Variants in NXT2 observed in about 807,000 individuals in gnomAD.
The protein encoded by NXT2 is nuclear transport factor 2 like export factor 2.
A neutral mutation model predicts 9.6 loss-of-function variants in NXT2; 1 was observed. The ratio of observed to expected loss-of-function variants is 0.10; its 90% CI spans 0.04 to 0.49. The LOEUF is 0.49. Among genes scored for constraint, NXT2 ranks in the 20% least tolerant of loss-of-function variants. NXT2 has a pLI of 0.95. For synonymous variants in NXT2, 22 were observed against 35.4 expected (o/e 0.62, Z 1.34); for missense variants, 48 against 100.3 (o/e 0.48, Z 2.23).
intron 1 of NXT2, chrX:109,537,251 C>T (rs1933299572): frequency 1.0e-6 from 1 of 1,004,494 alleles, no homozygotes; most frequent in Non-Finnish European, 1.3e-6. Flanking sequence ...TGGGAAATAG[C>T]GAGAGGCGGG....
upstream of NXT2, chrX:109,536,617 T>C (rs1933279397): frequency 4.8e-5 from 10 of 209,599 alleles, no homozygotes; most frequent in Admixed American, 7.1e-4. Context: ...CTCCGCCTCC[T>C]GGGGCAAAAA....
rs933748309 is a variant in NXT2 at position 109,537,445 on chromosome X, C to T, written c.15+424C>T. The T allele has an allele frequency of 1.2e-5, 8 of 669,632 alleles. No individual in the cohort carries two copies. The South Asian group carries it at 5.4e-4, about 45-fold the overall frequency. The allele number at this position is 669,632 out of a possible 1,213,427, so 55.2% of individuals were successfully genotyped here. A position where few individuals can be genotyped will look rare whatever the true frequency, so the allele number is the denominator to read the frequency against. On this transcript the variant is annotated intron_variant, in intron 1 of 3. Transcript: ENST00000372106. ...CTTAATTCTCCGGCACGAACGCCAA[C>T]AGCGTTGCTTTCTTCGGTGTCACAG...
At chrX:109,540,649 A>G (rs1480033186) in intron 2 of NXT2, among the ~76,000 whole-genome samples, 1 of 112,319 alleles carries the variant, frequency 8.9e-6, no homozygotes, top group Non-Finnish European at 1.9e-5. Context: ...AAGTTACATT[A>G]TAGAATTAAG....
At position 109,537,753 on chromosome X, in the gene NXT2, A is replaced by G. The variant is rs1404981566; in HGVS notation, c.16-292A>G. 7.1e-5 allele frequency among the ~76,000 whole-genome samples: 8 copies of G among 112,171 alleles called. No homozygotes were observed. The Admixed American group carries it at 7.6e-4, about 11-fold the overall frequency. On this transcript the variant is annotated intron_variant, in intron 1 of 3. Transcript: ENST00000372106. ...AATGTTTGTAAAATATTGAAAGTCT[A>G]AAGTGCTTAGTTGCCAAGAAAAGAT...
chrX:109,538,823 C>A (rs1017901570), intron 2 of NXT2, among the ~76,000 whole-genome samples: 3 of 110,928 alleles, frequency 2.7e-5, no homozygotes, highest in African/African-American at 9.9e-5. Context: ...AAGTTAATAC[C>A]CTATCTCTAA....
rs768732444 is a variant in NXT2, at chrX:109,536,941, G to A, written c.-66G>A. ...TAAGTATTGATCATTCCGCAGCCCT[G>A]CGGACCGGACACGTGAGGAGGTAGT... On this transcript the variant is annotated 5_prime_UTR_variant, in exon 1 of 4. Transcript: ENST00000372106. The A allele has an allele frequency of 8.3e-7, 1 of 1,211,461 alleles. No individual in the cohort carries two copies. The highest frequency in any genetic ancestry group is 1.8e-5 in the South Asian group (1 of 56,896).
Position 109,542,690 on chromosome X carries a change from G to T in NXT2, c.*2G>T. On this transcript the variant is annotated 3_prime_UTR_variant, in exon 4 of 4. Coordinates refer to ENST00000372106, the MANE Select transcript of NXT2 (RefSeq NM_001242617.2). Reference sequence around the variant, plus strand: ...TTTCAAGATTGGTCTAGTAGTTAAAGGGGCAAAAGTCCATTCTCATTTGGT... The same window carrying T: ...TTTCAAGATTGGTCTAGTAGTTAAATGGGCAAAAGTCCATTCTCATTTGGT... 1 of 1,141,703 alleles carries T rather than the reference G, an allele frequency of 8.8e-7. No individual in the cohort carries two copies. Among genetic ancestry groups the T allele is most frequent in the Non-Finnish European group, 1.2e-6 (1 of 853,956 alleles). 94.1% of individuals were successfully genotyped at this position (1,141,703 alleles called of 1,213,427 possible).
upstream of NXT2, among the ~76,000 whole-genome samples, chrX:109,536,355 A>C (rs989847512): frequency 8.9e-6 from 1 of 112,860 alleles, no homozygotes; most frequent in Non-Finnish European, 1.9e-5. Context: ...TCCGTGAGAC[A>C]TTTTAAAATG....
upstream of NXT2, chrX:109,536,785 C>A: frequency 6.8e-6 from 7 of 1,023,581 alleles, no homozygotes; most frequent in Non-Finnish European, 9.0e-6. Context: ...TGGGAGGGAT[C>A]TTCAGGAACT....
At chrX:109,536,083 T>C (rs1399109812), upstream of NXT2, 6 of 542,108 alleles carry the variant, frequency 1.1e-5, no homozygotes, top group African/African-American at 1.4e-4. Context: ...CACATTGCCA[T>C]GACAGTTATA....
In NXT2 at chrX:109,537,003, C is replaced by A; in HGVS notation, c.-4C>A. On this transcript the variant is annotated 5_prime_UTR_variant, in exon 1 of 4. Coordinates refer to ENST00000372106, the MANE Select transcript of NXT2 (RefSeq NM_001242617.2). ...TGCCAGAACACACTGCTACAAGGTC[C>A]CAGATGGCCACGTCTCTGGTGAGTG... The A allele has an allele frequency of 8.3e-7, 1 of 1,211,141 alleles. No homozygotes were observed. Among genetic ancestry groups the A allele is most frequent in the Non-Finnish European group, 1.1e-6 (1 of 895,157 alleles).
In NXT2 at chrX:109,542,069, T is replaced by TA. The variant is rs1256480405; in HGVS notation, c.248-437dup. 4.5e-5 allele frequency among the ~76,000 whole-genome samples: 5 copies of TA among 111,847 alleles called. No homozygotes were observed. In the East Asian group the frequency reaches 1.4e-3, roughly 31 times the overall value. ...GAAAATTTGATTCCAGGTAGATTGA[T>TA]ACAGTTTAATAAAACCTCTAGGTGG... On this transcript the variant is annotated intron_variant, in intron 3 of 3. Coordinates refer to ENST00000372106, the MANE Select transcript of NXT2 (RefSeq NM_001242617.2).
chrX:109,542,621 C>A lies in NXT2; in HGVS notation c.362C>A (p.Thr121Asn), dbSNP rs1472163443. The A allele has an allele frequency of 1.7e-6, 2 of 1,207,413 alleles. No individual in the cohort carries two copies. Among genetic ancestry groups the A allele is most frequent in the Non-Finnish European group, 2.2e-6 (2 of 892,941 alleles). Residue 121 changes from threonine (T) to asparagine (N), a missense_variant, in exon 4 of 4, where the codon ACT becomes AAT. Transcript: ENST00000372106. The stretch of plus-strand genomic sequence containing the variant: ...AACTTCCTGCTGACTGCTCAGTCCA[C>A]TCCCAACAATACTGTGTGGAAGATT... ...NQNFLLTAQS[T>N]PNNTVWKIAS...
intron 2 of NXT2, among the ~76,000 whole-genome samples, chrX:109,540,506 T>A (rs1332385122): frequency 1.8e-5 from 2 of 109,239 alleles, no homozygotes; most frequent in Non-Finnish European, 3.8e-5. Flanking sequence ...TTTTGTAGTT[T>A]TAGTAGAGAT....
At chrX:109,538,183 T>C (rs1332584662) in intron 2 of NXT2, 52 bp downstream of exon 2, 3 of 777,758 alleles carry the variant, frequency 3.9e-6, no homozygotes, top group Non-Finnish European at 5.7e-6. Context: ...CTTTATTAAA[T>C]ACCAGGTTGT....
chrX:109,536,017 G>A, upstream of NXT2: 1 of 1,055,931 alleles, frequency 9.5e-7, no homozygotes, highest in Admixed American at 2.5e-5. Flanking sequence ...ATTTAAATCA[G>A]AAGTCATTGG....
intron 2 of NXT2, among the ~76,000 whole-genome samples, chrX:109,538,619 A>C (rs1014569784): frequency 1.8e-5 from 2 of 111,009 alleles, no homozygotes; most frequent in Non-Finnish European, 3.8e-5. Flanking sequence ...TTACACCCAC[A>C]AAAAGTATGC....
At chrX:109,540,914 C>G (rs975695251) in intron 2 of NXT2, among the ~76,000 whole-genome samples, 1 of 111,395 alleles carries the variant, frequency 9.0e-6, no homozygotes, top group African/African-American at 3.3e-5. Flanking sequence ...AGAGCAGGAC[C>G]CTGTCTCAAT....
chrX:109,542,131 T>G (rs1933431225), intron 3 of NXT2, among the ~76,000 whole-genome samples: 1 of 111,461 alleles, frequency 9.0e-6, no homozygotes, highest in Admixed American at 9.6e-5. Context: ...CAGGGTGATT[T>G]TTTTCCTTTA....
Sources: allele counts gnomAD v4.1 joint callset (sites outside exome capture counted in the v4.1 genomes callset), GRCh38; gene constraint gnomAD v4.1.1; transcripts MANE v1.5; gene names NCBI Gene and HGNC (gene_info 2026-07-23, HGNC 2026-07-21).